The following TRAF3IP3 variants were observed in gnomAD, a reference collection of about 807,000 sequenced individuals.
The protein encoded by TRAF3IP3 is TRAF3 interacting protein 3.
TRAF3IP3 carries 64 observed loss-of-function variants against 86.5 expected under a neutral mutation model. That is an observed-to-expected ratio of 0.74 (90% confidence interval 0.60 to 0.91). The LOEUF is 0.91. TRAF3IP3 is among the 40% of genes least tolerant of loss of function. TRAF3IP3 has a pLI of 0.00. For missense variants in TRAF3IP3, 579 were observed against 642.9 expected, an observed-to-expected ratio of 0.90 and a Z score of 1.07; for synonymous variants, 220 against 243.9, an observed-to-expected ratio of 0.90 and a Z score of 0.91.
At chr1:209,771,428 GGTGTGTGCATGTGGAGGT>G (rs2077517168) in intron 8 of TRAF3IP3, among the ~76,000 whole-genome samples, 1 of 106,814 alleles carries the variant, frequency 9.4e-6, no homozygotes, top group Non-Finnish European at 1.8e-5. Context: ...TGCAGGTGGA[GGTGTGTGCATGTGGAGGT>G]GTGTGTGCAT....
intron 8 of TRAF3IP3, among the ~76,000 whole-genome samples, chr1:209,765,281 G>T (rs2102450818): frequency 1.0e-5 from 1 of 98,124 alleles, no homozygotes; most frequent in African/African-American, 3.5e-5. Flanking sequence ...AAGGAAGGAA[G>T]GAAGGAAGAA....
At chr1:209,774,477 A>G (rs1162754876) in intron 9 of TRAF3IP3, among the ~76,000 whole-genome samples, 2 of 152,208 alleles carry the variant, frequency 1.3e-5, no homozygotes, top group Non-Finnish European at 2.9e-5. Context: ...GGATGGGGGT[A>G]GTTGGTCAAT....
intron 9 of TRAF3IP3, among the ~76,000 whole-genome samples, chr1:209,773,906 A>T (rs950495012): frequency 1.3e-5 from 2 of 152,246 alleles, no homozygotes; most frequent in African/African-American, 4.8e-5. Context: ...TTGGATGTCC[A>T]ATAACTGGGA....
intron 8 of TRAF3IP3, among the ~76,000 whole-genome samples, chr1:209,769,295 C>G (rs2077418320): frequency 6.6e-6 from 1 of 152,176 alleles, no homozygotes. Context: ...ATTTCAGGAC[C>G]TGTGGATTGA....
rs746858648 is a variant in TRAF3IP3 at position 209,775,651 on chromosome 1, A to G, written c.968A>G (p.Glu323Gly). 3 of 1,614,170 alleles carry G rather than the reference A, an allele frequency of 1.9e-6. No individual in the cohort carries two copies. The highest frequency in any genetic ancestry group is 2.5e-6 in the Non-Finnish European group (3 of 1,180,036). The change falls in exon 11 of 17, where the codon GAG becomes GGG. Residue 323 changes from glutamate to glycine, a missense_variant. Coordinates refer to ENST00000367025, the MANE Select transcript of TRAF3IP3 (RefSeq NM_025228.4). The part of the protein sequence containing the change: ...QKCEEWRSQY[E>G]ALKEDWRTLG... ...TGTGAAGAGTGGAGGAGCCAGTATG[A>G]GGCTCTGAAGGAGGACTGGAGGACC... is the stretch of plus-strand genomic sequence containing the variant.
At chr1:209,775,561 CA>C (rs1451057040) in intron 10 of TRAF3IP3, 37 bp from the exon 11 acceptor site, 5 of 1,614,158 alleles carry the variant, frequency 3.1e-6, no homozygotes, top group Admixed American at 3.3e-5. Flanking sequence ...GCCAGCTGCA[CA>C]ACTCCCTGGA....
Position 209,763,067 on chromosome 1 carries a change from G to A in TRAF3IP3, c.552-1G>A. 1 of 1,613,590 alleles carries A rather than the reference G, an allele frequency of 6.2e-7. No homozygotes were observed. Among genetic ancestry groups the A allele is most frequent in the Non-Finnish European group, 8.5e-7 (1 of 1,179,788 alleles). On this transcript the variant is annotated splice_acceptor_variant, in intron 5 of 16. Transcript: ENST00000367025. LOFTEE classifies it high-confidence loss of function. Reference sequence around the variant, plus strand: ...TTATTTTTAATTTCTTCTCTTTCCAGTTACGGAGTTGCAGTTCTGGATAAG... The same window carrying A: ...TTATTTTTAATTTCTTCTCTTTCCAATTACGGAGTTGCAGTTCTGGATAAG...
intron 14 of TRAF3IP3, 115 bp downstream of exon 14, chr1:209,779,489 A>G (rs755487199): frequency 2.3e-6 from 2 of 881,650 alleles, no homozygotes; most frequent in Non-Finnish European, 3.8e-6. Flanking sequence ...GGAGTCTGTT[A>G]AGTCCGGGAT....
intron 8 of TRAF3IP3, among the ~76,000 whole-genome samples, chr1:209,765,238 G>C (rs1339486547): frequency 1.1e-5 from 1 of 88,468 alleles, no homozygotes; most frequent in Non-Finnish European, 2.2e-5. Flanking sequence ...AGGAAGGAAG[G>C]AAGGAAGGAA....
intron 3 of TRAF3IP3, among the ~76,000 whole-genome samples, chr1:209,761,608 A>G (rs1337649577): frequency 8.4e-6 from 1 of 119,060 alleles, no homozygotes; most frequent in East Asian, 2.1e-4. Context: ...AAAGCAAAAA[A>G]CCTTCCCACA....
At chr1:209,771,568 G>A (rs1264883529) in intron 8 of TRAF3IP3, among the ~76,000 whole-genome samples, 3 of 139,506 alleles carry the variant, frequency 2.2e-5, no homozygotes, top group African/African-American at 8.1e-5. Context: ...TATGTGTGCA[G>A]TGGAAGTGTA....
At position 209,763,214 on chromosome 1, in the gene TRAF3IP3, C is replaced by T. The variant is rs148313669; in HGVS notation, c.576+122C>T. On this transcript the variant is annotated intron_variant, in intron 6 of 16. Transcript: ENST00000367025. ...CTTCTTCCTGGATGGCAAGGGGGTACTGAGCATAGACATGGGGACTAAAGG... is the reference window on the plus strand; with the variant it reads ...CTTCTTCCTGGATGGCAAGGGGGTATTGAGCATAGACATGGGGACTAAAGG... The T allele has an allele frequency of 2.2e-4, 302 of 1,382,020 alleles. No homozygotes were observed. The Admixed American group carries it at 4.9e-3, about 23-fold the overall frequency. The allele number at this position is 1,382,020 out of a possible 1,614,324, so 85.6% of individuals were successfully genotyped here. A position where few individuals can be genotyped will look rare whatever the true frequency, so the allele number is the denominator to read the frequency against.
rs201389511 is a variant in TRAF3IP3 at position 209,760,174 on chromosome 1, G to A, written c.135G>A (p.Val45=). 3 of 1,614,238 alleles carry A rather than the reference G, an allele frequency of 1.9e-6. No homozygotes were observed. Among genetic ancestry groups the A allele is most frequent in the Middle Eastern group, 1.6e-4 (1 of 6,062 alleles). ...CCAATGTGACCACTTGCCGCCAGGT[G>A]GGGAAGACGCTGAGGATCCAACAGA... The part of the protein sequence containing the change: ...CRPNVTTCRQ[V]GKTLRIQQRE... Residue 45 remains valine, a synonymous_variant, in exon 3 of 17, where the codon GTG becomes GTA. Coordinates refer to ENST00000367025, the MANE Select transcript of TRAF3IP3 (RefSeq NM_025228.4).
intron 13 of TRAF3IP3, 107 bp downstream of exon 13, chr1:209,778,280 C>T (rs2077701298): frequency 1.2e-6 from 1 of 820,058 alleles, no homozygotes; most frequent in East Asian, 2.7e-5. Flanking sequence ...GGCATATGCT[C>T]TAACTCTGTG....
intron 8 of TRAF3IP3, among the ~76,000 whole-genome samples, chr1:209,764,168 T>C (rs908900966): frequency 4.6e-5 from 7 of 152,180 alleles, no homozygotes; most frequent in African/African-American, 1.4e-4. Flanking sequence ...ACAATATTCA[T>C]AGGTTATGTC....
rs142003331 is a variant in TRAF3IP3 at position 209,760,128 on chromosome 1, G to A, written c.89G>A (p.Arg30His). ...AAGTGTGAGCGCAGGCAAGAGATCCGTGAAAGCCGCCGCTGCCGTCCCAAT... is the reference window on the plus strand; with the variant it reads ...AAGTGTGAGCGCAGGCAAGAGATCCATGAAAGCCGCCGCTGCCGTCCCAAT... ...EAKCERRQEI[R>H]ESRRCRPNVT... Residue 30 changes from arginine (R) to histidine (H), a missense_variant, in exon 3 of 17, where the codon CGT (arginine) becomes CAT (histidine). Coordinates refer to ENST00000367025, the MANE Select transcript of TRAF3IP3 (RefSeq NM_025228.4). 52 of 1,614,182 alleles carry A rather than the reference G, an allele frequency of 3.2e-5. No individual in the cohort carries two copies. In the Middle Eastern group the frequency reaches 1.3e-3, roughly 41 times the overall value.
intron 3 of TRAF3IP3, 21 bp from the exon 4 acceptor site, chr1:209,762,494 C>T: frequency 6.9e-7 from 1 of 1,443,982 alleles, no homozygotes; most frequent in South Asian, 1.7e-5. Context: ...TGGTTTTCAG[C>T]ATTCCCCACT....
intron 1 of TRAF3IP3, chr1:209,758,619 T>G (rs1181474050): frequency 6.6e-6 from 1 of 152,210 alleles, no homozygotes; most frequent in African/African-American, 2.4e-5. Flanking sequence ...AAATGCCTGC[T>G]AGTTGGTGAA....
intron 3 of TRAF3IP3, among the ~76,000 whole-genome samples, chr1:209,761,185 G>C (rs548769003): frequency 6.6e-6 from 1 of 152,112 alleles, no homozygotes; most frequent in African/African-American, 2.4e-5. Context: ...TTCCTCTTGT[G>C]TCATTCCAAT....
Sources: gnomAD v4.1 joint callset for allele counts (sites outside exome capture counted in the v4.1 genomes callset) on GRCh38, gnomAD v4.1.1 for gene constraint, MANE v1.5 for transcripts, NCBI Gene and HGNC (gene_info 2026-07-23, HGNC 2026-07-21) for gene names.